Variants in PLXNB2 observed in about 807,000 individuals in gnomAD.
PLXNB2 encodes plexin-B2.
In PLXNB2, 85 loss-of-function variants were observed where a neutral mutation model predicts 202.6. That is an observed-to-expected ratio of 0.42 (90% CI 0.35 to 0.50). The LOEUF is 0.50. PLXNB2 is among the 20% of genes least tolerant of loss of function. The pLI is 0.02. For synonymous variants in PLXNB2, 1,239 were observed against 1,137.6 expected (o/e 1.09, Z -1.79); for missense variants, 2,063 against 2,586.2 (o/e 0.80, Z 4.39).
Position 50,284,488 on chromosome 22 carries a change from T to G in PLXNB2, c.2181+85A>C. On this transcript the variant is annotated intron_variant, in intron 12 of 36. Transcript: ENST00000359337. This position sits in a 1 kb window ranked among gnomAD's most constrained non-coding sequence, Gnocchi z 8.0. ...GTCCCTGGGGTCTCCCTGCTGCCCC[T>G]CCCCTCACAGTCCTGAAGGTGACCC... 2.9e-6 allele frequency: 3 copies of G among 1,034,762 alleles called. No individual in the cohort carries two copies. In the South Asian group the frequency reaches 4.3e-5, roughly 15 times the overall value. 64.1% of individuals were successfully genotyped at this position (1,034,762 alleles called of 1,614,324 possible).
At chr22:50,303,855 G>T (rs970736474) in intron 1 of PLXNB2, among the ~76,000 whole-genome samples, 1 of 152,172 alleles carries the variant, frequency 6.6e-6, no homozygotes, top group Non-Finnish European at 1.5e-5. Context: ...CCCAGGCCTG[G>T]GCCGGGACTC....
At position 50,289,049 on chromosome 22, in the gene PLXNB2, C is replaced by T; in HGVS notation, c.1162G>A (p.Gly388Arg). Residue 388 changes from glycine to arginine, a missense_variant, in exon 4 of 37, where the codon GGA becomes AGA. Physicochemically the swap from Gly to Arg is moderately radical, Grantham distance 125. Transcript: ENST00000359337. The surrounding 1 kb of genome is among the most constrained non-coding windows in gnomAD (Gnocchi z 8.0). ...GLRGTAVLQRGGLNLTAVTVA... is the reference protein window; with the variant it reads ...GLRGTAVLQRRGLNLTAVTVA... ...GTCACGGCCGTGAGGTTCAGGCCTC[C>T]ACGCTGCAGCACGGCTGTGCCTCTG... is the stretch of plus-strand genomic sequence containing the variant. 6.2e-7 allele frequency: 1 copy of T among 1,608,054 alleles called. No individual in the cohort carries two copies.
intron 1 of PLXNB2, 91 bp downstream of exon 1, chr22:50,307,462 G>A: frequency 6.9e-6 from 5 of 720,372 alleles, no homozygotes; most frequent in East Asian, 1.4e-4. Flanking sequence ...GGGCCCCAGC[G>A]CGGCAGGCCC....
intron 8 of PLXNB2, 113 bp downstream of exon 8, chr22:50,286,998 G>T: frequency 6.4e-6 from 7 of 1,085,790 alleles, no homozygotes; most frequent in Admixed American, 3.4e-5. Flanking sequence ...GAGCAGCCGC[G>T]GAGTGTGCCT....
chr22:50,289,820 G>C lies in PLXNB2; in HGVS notation c.765C>G (p.Asn255Lys). Residue 255 changes from asparagine to lysine, a missense_variant, in exon 3 of 37, where the codon AAC becomes AAG. Transcript: ENST00000359337. The surrounding 1 kb of genome is among the most constrained non-coding windows in gnomAD (Gnocchi z 8.0). The stretch of plus-strand genomic sequence containing the variant: ...GGTCCATCTCCAGGTAGGAGTAGTA[G>C]TTGGGGTCTTCTCTGCACATGCGTG... Reference protein sequence around the residue: ...LLARMCREDPNYYSYLEMDLQ... With the variant: ...LLARMCREDPKYYSYLEMDLQ... The C allele has an allele frequency of 6.2e-7, 1 of 1,613,296 alleles. No homozygotes were observed. The highest frequency in any genetic ancestry group is 8.5e-7 in the Non-Finnish European group (1 of 1,180,034).
Position 50,294,770 on chromosome 22 carries a change from C to T in PLXNB2, c.-65G>A, listed in dbSNP as rs1386942592. ...CTCAGTTTCTGCTCCAGGCCAGCAT[C>T]GAGATTCTCTAGGAGGCAAAGGAGA... On this transcript the variant is annotated 5_prime_UTR_variant, in exon 2 of 37. Transcript: ENST00000359337. 4.1e-6 allele frequency: 4 copies of T among 985,482 alleles called. No homozygotes were observed. Among genetic ancestry groups the T allele is most frequent in the Admixed American group, 6.1e-5 (1 of 16,280 alleles). 61.0% of individuals were successfully genotyped at this position (985,482 alleles called of 1,614,324 possible).
At position 50,283,929 on chromosome 22, in the gene PLXNB2, G is replaced by A. The variant is rs368660685; in HGVS notation, c.2325C>T (p.Pro775=). ...CCCCGCACCACGCACACCTGTAGTC[G>A]GGGTTAGCGGCCCGGCACAGGCTGC... The part of the protein sequence containing the change: ...SDCSLCRAAN[P]DYRCAWCGGQ... The change falls in exon 14 of 37, where the codon CCC becomes CCT. Residue 775 remains proline (P), a synonymous_variant. Transcript: ENST00000359337. The A allele has an allele frequency of 1.0e-4, 159 of 1,567,730 alleles. 1 individual carries two copies. The highest frequency in any genetic ancestry group is 8.0e-4 in the South Asian group (69 of 86,188).
At chr22:50,307,519 C>T in intron 1 of PLXNB2, 34 bp downstream of exon 1, 4 of 968,564 alleles carry the variant, frequency 4.1e-6, no homozygotes, top group Non-Finnish European at 4.9e-6. Context: ...CCCAGCGAGA[C>T]GTCCCCCGCA....
At chr22:50,276,940 A>T (rs1258442746) in intron 33 of PLXNB2, 34 bp from the exon 34 acceptor site, 1 of 1,524,758 alleles carries the variant, frequency 6.6e-7, no homozygotes, top group African/African-American at 1.4e-5. Context: ...TGCCTGGCCA[A>T]GGGGGCCAGG....
intron 1 of PLXNB2, chr22:50,300,393 C>T (rs912001757): frequency 1.0e-5 from 9 of 902,578 alleles, no homozygotes; most frequent in African/African-American, 5.4e-5. Context: ...TGCCCCCGGT[C>T]GGTCTCAGGG....
At chr22:50,287,583 C>T in intron 7 of PLXNB2, 84 bp downstream of exon 7, 2 of 1,337,798 alleles carry the variant, frequency 1.5e-6, no homozygotes, top group Non-Finnish European at 2.0e-6. Flanking sequence ...CCTCCCCTGC[C>T]TGTCCCAACA....
Position 50,287,113 on chromosome 22 carries a change from T to C in PLXNB2, c.1760A>G (p.Gln587Arg), listed in dbSNP as rs755094925. The C allele has an allele frequency of 1.3e-6, 2 of 1,515,440 alleles. No homozygotes were observed. Among genetic ancestry groups the C allele is most frequent in the South Asian group, 1.3e-5 (1 of 79,574 alleles). The allele number at this position is 1,515,440 out of a possible 1,614,324, so 93.9% of individuals were successfully genotyped here. A position where few individuals can be genotyped will look rare whatever the true frequency, so the allele number is the denominator to read the frequency against. ...GGGGGCTCGGGAAGGGGCCTCACCC[T>C]GGCCTGGCGGTGTGACGGGGATGCT... ...PSSIPVTPPGQDHVAVTIQLL... is the reference protein window; with the variant it reads ...PSSIPVTPPGRDHVAVTIQLL... The change falls in exon 8 of 37, where the codon CAG becomes CGG. Residue 587 changes from glutamine (Q) to arginine (R), a missense_variant and splice_region_variant. This residue lies in a region of PLXNB2 where 1,303 missense variants were observed against 1,476.8 expected (regional missense o/e 0.88). Coordinates refer to ENST00000359337, the MANE Select transcript of PLXNB2 (RefSeq NM_012401.4).
chr22:50,305,427 C>A (rs1316104234), intron 1 of PLXNB2, among the ~76,000 whole-genome samples: 1 of 152,218 alleles, frequency 6.6e-6, no homozygotes, highest in Non-Finnish European at 1.5e-5. Context: ...ACCCAGAGCG[C>A]CAGGTAGCCA....
In PLXNB2 at chr22:50,300,463, C is replaced by T. The variant is rs1018435101; in HGVS notation, c.-73-5685G>A. The stretch of plus-strand genomic sequence containing the variant: ...CGACCCTGCCCGGAGCAGCCTCCCG[C>T]AGGACTCCGGACCCAGGGTCAAGGC... On this transcript the variant is annotated intron_variant, in intron 1 of 36. Coordinates refer to ENST00000359337, the MANE Select transcript of PLXNB2 (RefSeq NM_012401.4). 9 of 313,326 alleles carry T rather than the reference C, an allele frequency of 2.9e-5. 1 individual carries two copies. Among genetic ancestry groups the T allele is most frequent in the African/African-American group, 4.5e-5 (2 of 44,400 alleles). 19.4% of individuals were successfully genotyped at this position (313,326 alleles called of 1,614,324 possible).
chr22:50,294,463 T>C (rs1321022190), intron 2 of PLXNB2, among the ~76,000 whole-genome samples: 1 of 147,068 alleles, frequency 6.8e-6, no homozygotes, highest in African/African-American at 2.5e-5. Context: ...TGCAGACCAC[T>C]CCACCTGAGC....
Position 50,282,693 on chromosome 22 carries a change from G to GGCAGGGCACTGAGGAGGCAGCTGGGGGT in PLXNB2, c.2987+17_2987+18insACCCCCAGCTGCCTCCTCAGTGCCCTGC. The GGCAGGGCACTGAGGAGGCAGCTGGGGGT allele has an allele frequency of 6.4e-7, 1 of 1,574,716 alleles. No homozygotes were observed. The highest frequency in any genetic ancestry group is 1.7e-5 in the Admixed American group (1 of 57,180). On this transcript the variant is annotated intron_variant, in intron 18 of 36. Transcript: ENST00000359337. ...TGGGTGTGGGGAGCAGAGGGGGGCG[G>GGCAGGGCACTGAGGAGGCAGCTGGGGGT]GGGGACACCAGCCTCACCTGGCAAA...
intron 2 of PLXNB2, among the ~76,000 whole-genome samples, chr22:50,292,034 C>T (rs2066904585): frequency 6.6e-6 from 1 of 152,352 alleles, no homozygotes; most frequent in Non-Finnish European, 1.5e-5. Flanking sequence ...AATCCGCTTT[C>T]TCACCACATA....
rs776323520 is a variant in PLXNB2, at chr22:50,289,605, C to A, written c.980G>T (p.Arg327Leu). 1 of 1,610,378 alleles carries A rather than the reference C, an allele frequency of 6.2e-7. No homozygotes were observed. The highest frequency in any genetic ancestry group is 2.2e-5 in the East Asian group (1 of 44,876). Reference sequence around the variant, plus strand: ...CCGGGTGCCTGTGTAACAGGCGTTGCGGTTGGCCTCCATCTTGGCGTGCAC... The same window carrying A: ...CCGGGTGCCTGTGTAACAGGCGTTGAGGTTGGCCTCCATCTTGGCGTGCAC... ...DKVHAKMEAN[R>L]NACYTGTREA... Residue 327 changes from arginine to leucine, a missense_variant, in exon 3 of 37, where the codon CGC becomes CTC. Arg to Leu is a moderately radical substitution (Grantham distance 102, BLOSUM62 -2). This residue lies in a region of PLXNB2 where 1,303 missense variants were observed against 1,476.8 expected (regional missense o/e 0.88). Coordinates refer to ENST00000359337, the MANE Select transcript of PLXNB2 (RefSeq NM_012401.4). This position sits in a 1 kb window ranked among gnomAD's most constrained non-coding sequence, Gnocchi z 8.0.
intron 24 of PLXNB2, 30 bp from the exon 25 acceptor site, chr22:50,280,700 G>A: frequency 4.4e-6 from 7 of 1,594,246 alleles, no homozygotes; most frequent in African/African-American, 1.3e-5. Flanking sequence ...AAGCCTGCCC[G>A]GCGCCACCTG....
Sources: allele counts gnomAD v4.1 joint callset (sites outside exome capture counted in the v4.1 genomes callset), GRCh38; gene constraint gnomAD v4.1.1; regional missense constraint gnomAD v4.1.1; non-coding constraint Gnocchi (gnomAD v3.1); transcripts MANE v1.5; gene names NCBI Gene and HGNC (gene_info 2026-07-23, HGNC 2026-07-21).